The following RPS6KC1 variants were observed in gnomAD, a reference collection of about 807,000 sequenced individuals.
The protein encoded by RPS6KC1 is inactive ribosomal protein S6 kinase delta-1.
In RPS6KC1, 54 loss-of-function variants were observed where a neutral mutation model predicts 103.8. That is an observed-to-expected ratio of 0.52 (90% CI 0.42 to 0.65). The LOEUF is 0.65. Ranked by LOEUF, RPS6KC1 falls within the 30% of genes least tolerant of loss-of-function variation. RPS6KC1 has a pLI of 0.00. For missense variants in RPS6KC1, 1,151 were observed against 1,253.8 expected (o/e 0.92, Z 1.24); for synonymous variants, 439 against 438.7 (o/e 1.00, Z -0.01).
chr1:213,670,663 C>T, the RPS6KC1 span, among the ~76,000 whole-genome samples: 1 of 152,148 alleles, frequency 6.6e-6, no homozygotes, highest in African/African-American at 2.4e-5. Context: ...AACATCTGCA[C>T]CTGGGCTGCA....
At chr1:213,545,416 A>AAATAAAT in the RPS6KC1 span, among the ~76,000 whole-genome samples, 1,242 of 64,144 alleles carry the variant, frequency 0.019, 7 homozygotes, top group African/African-American at 0.036. Context: ...ATAAATAAAT[A>AAATAAAT]AAATAAAATA....
the RPS6KC1 span, among the ~76,000 whole-genome samples, chr1:213,351,281 G>T: frequency 2.0e-5 from 3 of 152,184 alleles, no homozygotes; most frequent in Admixed American, 1.3e-4. Context: ...AGCATGAAAA[G>T]CTAACTGCTG....
intron 3 of RPS6KC1, among the ~76,000 whole-genome samples, chr1:213,081,454 A>G (rs1301913320): frequency 6.6e-6 from 1 of 152,084 alleles, no homozygotes; most frequent in South Asian, 2.1e-4. Context: ...CCGTGATCCA[A>G]ACACCTCACA....
At chr1:213,342,707 C>T in the RPS6KC1 span, among the ~76,000 whole-genome samples, 1 of 152,150 alleles carries the variant, frequency 6.6e-6, no homozygotes, top group African/African-American at 2.4e-5. Context: ...CAAAAGTCTA[C>T]ACGATCCCAT....
At chr1:213,684,442 T>A in the RPS6KC1 span, among the ~76,000 whole-genome samples, 2 of 152,126 alleles carry the variant, frequency 1.3e-5, no homozygotes, top group African/African-American at 2.4e-5. Context: ...AGTCACTGTG[T>A]CCCCATTACC....
At chr1:213,319,402 G>A in the RPS6KC1 span, among the ~76,000 whole-genome samples, 1 of 151,560 alleles carries the variant, frequency 6.6e-6, no homozygotes. Flanking sequence ...TTTAGACAGA[G>A]TAGGCAAGGA....
intron 6 of RPS6KC1, among the ~76,000 whole-genome samples, chr1:213,160,429 T>C (rs1161756095): frequency 2.0e-5 from 3 of 152,252 alleles, no homozygotes; most frequent in African/African-American, 7.2e-5. Context: ...AGTCCAATCA[T>C]GCATCTTTTG....
At chr1:213,747,821 A>C in the RPS6KC1 span, among the ~76,000 whole-genome samples, 3 of 152,218 alleles carry the variant, frequency 2.0e-5, no homozygotes, top group Non-Finnish European at 4.4e-5. Context: ...AGTTCAGAAC[A>C]AATAGAGTGG....
chr1:213,566,410 T>C, the RPS6KC1 span, among the ~76,000 whole-genome samples: 1 of 148,482 alleles, frequency 6.7e-6, no homozygotes, highest in Admixed American at 6.9e-5. Flanking sequence ...TACTTCTTTT[T>C]CAATTCTTGG....
intron 8 of RPS6KC1, among the ~76,000 whole-genome samples, chr1:213,222,976 A>G (rs2093872313): frequency 6.6e-6 from 1 of 152,230 alleles, no homozygotes; most frequent in South Asian, 2.1e-4. Flanking sequence ...AAGTACAATC[A>G]TGTTCACATG....
chr1:213,641,536 C>A, the RPS6KC1 span, among the ~76,000 whole-genome samples: 1 of 151,976 alleles, frequency 6.6e-6, no homozygotes, highest in African/African-American at 2.4e-5. Flanking sequence ...GTGTGTAGTA[C>A]CAAGTGGTCA....
At position 213,272,823 on chromosome 1, in the gene RPS6KC1, T is replaced by C. The variant is rs1458977320; in HGVS notation, c.*189T>C. 2.0e-6 allele frequency: 1 copy of C among 502,458 alleles called. No individual in the cohort carries two copies. Among genetic ancestry groups the C allele is most frequent in the Non-Finnish European group, 3.7e-6 (1 of 273,866 alleles). 31.1% of individuals were successfully genotyped at this position (502,458 alleles called of 1,614,324 possible). ...ACAATTACAAGATATTAGCTAATTG[T>C]GCCAGGGGCTGTTATATACATATAT... On this transcript the variant is annotated 3_prime_UTR_variant, in exon 15 of 15. Coordinates refer to ENST00000366960, the MANE Select transcript of RPS6KC1 (RefSeq NM_012424.6).
chr1:213,058,059 CTTTTT>C (rs756919339), intron 1 of RPS6KC1, among the ~76,000 whole-genome samples: 3 of 111,948 alleles, frequency 2.7e-5, no homozygotes, highest in African/African-American at 3.9e-5. Flanking sequence ...TGCGCCTGAC[CTTTTT>C]TTTTTTTTTT....
the RPS6KC1 span, among the ~76,000 whole-genome samples, chr1:213,854,198 T>C: frequency 6.6e-6 from 1 of 152,180 alleles, no homozygotes; most frequent in African/African-American, 2.4e-5. Context: ...TCCTCAAACA[T>C]ACCAGGGGAT....
At chr1:213,181,933 A>G (rs563058060) in intron 8 of RPS6KC1, among the ~76,000 whole-genome samples, 1 of 152,312 alleles carries the variant, frequency 6.6e-6, no homozygotes, top group Non-Finnish European at 1.5e-5. Context: ...AGTAAATACA[A>G]TGGACTTTCT....
At chr1:213,817,473 T>C in the RPS6KC1 span, among the ~76,000 whole-genome samples, 2 of 152,236 alleles carry the variant, frequency 1.3e-5, no homozygotes, top group African/African-American at 4.8e-5. Context: ...TGCCAATTAT[T>C]TCCCTTCCTA....
At chr1:213,345,397 T>C in the RPS6KC1 span, among the ~76,000 whole-genome samples, 1 of 152,246 alleles carries the variant, frequency 6.6e-6, no homozygotes, top group Non-Finnish European at 1.5e-5. Context: ...TCTTTATCGT[T>C]TGCTTTTTCT....
intron 8 of RPS6KC1, among the ~76,000 whole-genome samples, chr1:213,189,316 A>T (rs2092661943): frequency 6.6e-6 from 1 of 151,908 alleles, no homozygotes; most frequent in Non-Finnish European, 1.5e-5. Context: ...AGGCGTGATG[A>T]TGGGTGCTTG....
At chr1:213,532,455 G>A in the RPS6KC1 span, among the ~76,000 whole-genome samples, 4 of 152,146 alleles carry the variant, frequency 2.6e-5, no homozygotes, top group Non-Finnish European at 5.9e-5. Flanking sequence ...TGACTTTCAG[G>A]GCCTTAAAAG....
Sources: gnomAD v4.1 joint callset for allele counts (sites outside exome capture counted in the v4.1 genomes callset) on GRCh38, gnomAD v4.1.1 for gene constraint, MANE v1.5 for transcripts, NCBI Gene and HGNC (gene_info 2026-07-23, HGNC 2026-07-21) for gene names.